Variants in HMBOX1 observed in about 807,000 individuals in gnomAD.
HMBOX1 encodes the protein homeobox-containing protein 1.
In HMBOX1, 14 loss-of-function variants were observed where a neutral mutation model predicts 54.5. The observed-to-expected ratio is 0.26, with a 90% confidence interval of 0.17 to 0.40. HMBOX1 has a LOEUF of 0.40. Among genes scored for constraint, HMBOX1 ranks in the 10% least tolerant of loss-of-function variants. The pLI is 1.00. For synonymous variants in HMBOX1, 160 were observed against 181.0 expected (o/e 0.88, Z 0.93); for missense variants, 332 against 514.4 (o/e 0.65, Z 3.43).
chr8:29,009,971 A>G (rs1834018183), intron 5 of HMBOX1: 1 of 1,048,900 alleles, frequency 9.5e-7, no homozygotes, highest in Admixed American at 5.6e-5. Flanking sequence ...CACACAGACT[A>G]AAACACTAGT....
chr8:28,907,849 C>CTTTT (rs1169064905), intron 1 of HMBOX1, among the ~76,000 whole-genome samples: 5 of 144,320 alleles, frequency 3.5e-5, no homozygotes, highest in Non-Finnish European at 3.1e-5. Flanking sequence ...TTCTTTCTTT[C>CTTTT]TTTTTTTTTT....
intron 4 of HMBOX1, among the ~76,000 whole-genome samples, chr8:28,980,697 T>C (rs1829190409): frequency 6.6e-6 from 1 of 152,066 alleles, no homozygotes; most frequent in Non-Finnish European, 1.5e-5. Context: ...TAGTATGTGG[T>C]GTATATGTGT....
At chr8:28,962,765 T>G (rs1478159975) in intron 1 of HMBOX1, among the ~76,000 whole-genome samples, 1 of 152,180 alleles carries the variant, frequency 6.6e-6, no homozygotes, top group Non-Finnish European at 1.5e-5. Flanking sequence ...CCTGAATTAG[T>G]TTCTGGATTG....
intron 4 of HMBOX1, among the ~76,000 whole-genome samples, chr8:29,008,067 G>A (rs1833719853): frequency 6.6e-6 from 1 of 152,172 alleles, no homozygotes; most frequent in African/African-American, 2.4e-5. Flanking sequence ...AGTCGACACA[G>A]GTGATATTCA....
chr8:28,903,754 G>A (rs1447826129), intron 1 of HMBOX1, among the ~76,000 whole-genome samples: 1 of 152,154 alleles, frequency 6.6e-6, no homozygotes, highest in Non-Finnish European at 1.5e-5. Context: ...ATAGTAAAAA[G>A]CATTAAAAAT....
intron 5 of HMBOX1, among the ~76,000 whole-genome samples, chr8:29,014,501 T>G (rs889432290): frequency 5.3e-5 from 8 of 152,214 alleles, no homozygotes; most frequent in African/African-American, 1.9e-4. Context: ...AAATCTGTTA[T>G]TAATAGAGTG....
intron 5 of HMBOX1, 161 bp downstream of exon 5, chr8:29,009,343 A>T (rs118037706): frequency 0.024 from 16,043 of 660,354 alleles, 214 homozygotes; most frequent in Non-Finnish European, 0.026. Context: ...CTAAACCCTG[A>T]CTGTAATAAA....
intron 4 of HMBOX1, among the ~76,000 whole-genome samples, chr8:28,985,323 T>C (rs1159916695): frequency 6.6e-6 from 1 of 152,210 alleles, no homozygotes; most frequent in Non-Finnish European, 1.5e-5. Context: ...GGGTCTCTTT[T>C]ATTGGGGCAC....
intron 6 of HMBOX1, among the ~76,000 whole-genome samples, chr8:29,040,579 T>C (rs979157338): frequency 2.0e-5 from 3 of 152,194 alleles, no homozygotes; most frequent in Admixed American, 6.5e-5. Context: ...GTGCTAACAG[T>C]CCTTTGTATA....
chr8:28,941,023 A>G (rs927991623), intron 1 of HMBOX1, among the ~76,000 whole-genome samples: 6 of 152,186 alleles, frequency 3.9e-5, no homozygotes, highest in Admixed American at 3.9e-4. Context: ...TGCTTATCTT[A>G]GAAATTATCT....
chr8:28,894,098 G>C (rs11776614), intron 1 of HMBOX1, among the ~76,000 whole-genome samples: 3 of 152,090 alleles, frequency 2.0e-5, no homozygotes, highest in Non-Finnish European at 4.4e-5. Flanking sequence ...GCTTTATTTA[G>C]TTCTTTGGCT....
chr8:29,050,234 A>G, intron 9 of HMBOX1: 2 of 984,694 alleles, frequency 2.0e-6, no homozygotes, highest in Non-Finnish European at 2.4e-6. Flanking sequence ...TTTGATACGG[A>G]GTTCCCCTGA....
At chr8:28,937,590 G>C (rs1820627961) in intron 1 of HMBOX1, among the ~76,000 whole-genome samples, 1 of 152,178 alleles carries the variant, frequency 6.6e-6, no homozygotes, top group Admixed American at 6.5e-5. Flanking sequence ...CTAACCTTGA[G>C]ACTAGAGATC....
chr8:28,894,322 G>T (rs891959548), intron 1 of HMBOX1, among the ~76,000 whole-genome samples: 2 of 152,088 alleles, frequency 1.3e-5, no homozygotes, highest in Non-Finnish European at 1.5e-5. Context: ...TGAAATTGGT[G>T]TATATCTATC....
chr8:28,915,287 G>T (rs971364977), intron 1 of HMBOX1, among the ~76,000 whole-genome samples: 4 of 152,082 alleles, frequency 2.6e-5, no homozygotes, highest in African/African-American at 9.7e-5. Flanking sequence ...ACTGGGCGCC[G>T]TGGCTCACGC....
At chr8:28,937,479 A>G (rs1344334642) in intron 1 of HMBOX1, among the ~76,000 whole-genome samples, 1 of 152,188 alleles carries the variant, frequency 6.6e-6, no homozygotes, top group Non-Finnish European at 1.5e-5. Context: ...CTTCCATTAA[A>G]AAAAGTCCTT....
intron 1 of HMBOX1, among the ~76,000 whole-genome samples, chr8:28,938,609 G>A (rs915199587): frequency 3.3e-5 from 5 of 150,968 alleles, no homozygotes; most frequent in Non-Finnish European, 5.9e-5. Context: ...ACCACTCCTG[G>A]CAATTTTTTT....
chr8:29,051,633 T>C lies in HMBOX1; in HGVS notation c.*478T>C. The C allele has an allele frequency of 2.8e-6, 2 of 702,784 alleles. No homozygotes were observed. The highest frequency in any genetic ancestry group is 5.2e-6 in the Non-Finnish European group (2 of 384,894). 43.5% of individuals were successfully genotyped at this position (702,784 alleles called of 1,614,324 possible). On this transcript the variant is annotated 3_prime_UTR_variant, in exon 10 of 10. Transcript: ENST00000287701. ...AGTATCCACAGAGTCAAAGGAACAC[T>C]AGAATCCCCACCTCAGCGTGAGGAT... is the stretch of plus-strand genomic sequence containing the variant.
At chr8:28,914,449 T>TA (rs1380837733) in intron 1 of HMBOX1, among the ~76,000 whole-genome samples, 1 of 152,166 alleles carries the variant, frequency 6.6e-6, no homozygotes, top group Non-Finnish European at 1.5e-5. Context: ...ATTAAACACT[T>TA]AAAAAAATCG....
Sources: allele counts gnomAD v4.1 joint callset (sites outside exome capture counted in the v4.1 genomes callset), GRCh38; gene constraint gnomAD v4.1.1; transcripts MANE v1.5; gene names NCBI Gene and HGNC (gene_info 2026-07-23, HGNC 2026-07-21).